The following DLGAP4 variants were observed in gnomAD, a reference collection of about 807,000 sequenced individuals.
DLGAP4 encodes the protein DLG associated protein 4.
Under a neutral mutation model 86.9 loss-of-function variants are expected in DLGAP4, and 18 were observed. The ratio of observed to expected loss-of-function variants is 0.21; its 90% confidence interval spans 0.14 to 0.31. DLGAP4 has a LOEUF of 0.31. Among genes scored for constraint, DLGAP4 ranks in the 10% least tolerant of loss-of-function variants. DLGAP4 has a pLI of 1.00. For synonymous variants in DLGAP4, 548 were observed against 574.3 expected (o/e 0.95, Z 0.65); for missense variants, 1,085 against 1,362.6 (o/e 0.80, Z 3.21).
intron 5 of DLGAP4, 105 bp from the exon 6 acceptor site, chr20:36,442,622 G>A: frequency 7.9e-7 from 1 of 1,264,086 alleles, no homozygotes; most frequent in Non-Finnish European, 1.2e-6. Context: ...GTCTGGGGAG[G>A]AGGTTAGACC....
intron 10 of DLGAP4, among the ~76,000 whole-genome samples, chr20:36,520,823 T>C (rs1480688290): frequency 6.6e-6 from 1 of 150,556 alleles, no homozygotes; most frequent in South Asian, 2.1e-4. Flanking sequence ...TTTGGTCTTA[T>C]GTTTTCATCT....
At chr20:36,340,727 C>T (rs2065370861) in intron 1 of DLGAP4, among the ~76,000 whole-genome samples, 1 of 152,234 alleles carries the variant, frequency 6.6e-6, no homozygotes, top group Non-Finnish European at 1.5e-5. Flanking sequence ...CTAGGCCTCC[C>T]TCTGGCATCC....
intron 1 of DLGAP4, among the ~76,000 whole-genome samples, chr20:36,342,545 C>T (rs1555892594): frequency 1.3e-5 from 2 of 152,190 alleles, no homozygotes; most frequent in Non-Finnish European, 2.9e-5. Flanking sequence ...AGCAGCCACC[C>T]CGCTCAGTGG....
chr20:36,399,337 A>C (rs1423775807), intron 2 of DLGAP4, among the ~76,000 whole-genome samples: 1 of 152,240 alleles, frequency 6.6e-6, no homozygotes, highest in Non-Finnish European at 1.5e-5. Context: ...TGGGCAAGTC[A>C]CTTCCACCCG....
At position 36,496,598 on chromosome 20, in the gene DLGAP4, C is replaced by T. The variant is rs2035896651; in HGVS notation, c.1649-107C>T. On this transcript the variant is annotated intron_variant, in intron 7 of 12. Transcript: ENST00000339266. ...TCCTTGCGGACGGAATGGCTAAGCC[C>T]AGAGCTAGGGCCAAGTCAGGCAGGG... The T allele has an allele frequency of 3.4e-6, 5 of 1,491,032 alleles. No individual in the cohort carries two copies. In the South Asian group the frequency reaches 4.1e-5, roughly 12 times the overall value. The allele number at this position is 1,491,032 out of a possible 1,614,324, so 92.4% of individuals were successfully genotyped here. A position where few individuals can be genotyped will look rare whatever the true frequency, so the allele number is the denominator to read the frequency against.
At chr20:36,361,436 T>C (rs1416342909) in intron 1 of DLGAP4, among the ~76,000 whole-genome samples, 1 of 152,182 alleles carries the variant, frequency 6.6e-6, no homozygotes, top group African/African-American at 2.4e-5. Flanking sequence ...TTGTTTGGTT[T>C]GTTTTTTGTG....
chr20:36,510,175 T>G (rs2036611785), intron 10 of DLGAP4, among the ~76,000 whole-genome samples: 1 of 152,050 alleles, frequency 6.6e-6, no homozygotes, highest in Admixed American at 6.6e-5. Flanking sequence ...GTGATGCAGA[T>G]TCCATACTTA....
chr20:36,473,669 C>G (rs899667874), intron 7 of DLGAP4, among the ~76,000 whole-genome samples: 1 of 152,198 alleles, frequency 6.6e-6, no homozygotes, highest in East Asian at 1.9e-4. Context: ...ACGTTGGTCT[C>G]AAACTCCTGG....
At chr20:36,354,877 A>T (rs2030274567) in intron 1 of DLGAP4, among the ~76,000 whole-genome samples, 1 of 152,106 alleles carries the variant, frequency 6.6e-6, no homozygotes, top group South Asian at 2.1e-4. Context: ...AGGAGTTCAG[A>T]GCTACAGTGA....
At chr20:36,357,583 T>G (rs1555893927) in intron 1 of DLGAP4, among the ~76,000 whole-genome samples, 1 of 152,214 alleles carries the variant, frequency 6.6e-6, no homozygotes, top group Non-Finnish European at 1.5e-5. Flanking sequence ...ATAGAAGGAC[T>G]GGAACTGCTT....
At chr20:36,521,470 C>G (rs57992316) in intron 10 of DLGAP4, among the ~76,000 whole-genome samples, 1 of 152,216 alleles carries the variant, frequency 6.6e-6, no homozygotes, top group Non-Finnish European at 1.5e-5. Flanking sequence ...CTTCTTTAAA[C>G]TAAGCCAGAC....
intron 7 of DLGAP4, among the ~76,000 whole-genome samples, chr20:36,459,107 G>A (rs1024152892): frequency 2.0e-5 from 3 of 152,170 alleles, no homozygotes; most frequent in Non-Finnish European, 4.4e-5. Context: ...ATTAGGGAGG[G>A]GGAGCATGTG....
intron 1 of DLGAP4, among the ~76,000 whole-genome samples, chr20:36,339,905 G>A (rs2065360378): frequency 6.6e-6 from 1 of 152,210 alleles, no homozygotes; most frequent in South Asian, 2.1e-4. Context: ...ATCCCAGAGG[G>A]CCTGAGCTCT....
chr20:36,466,874 A>AT (rs1444601795), intron 7 of DLGAP4, among the ~76,000 whole-genome samples: 1 of 152,052 alleles, frequency 6.6e-6, no homozygotes, highest in African/African-American at 2.4e-5. Flanking sequence ...TCCTCATGGG[A>AT]TAGGAGCAAG....
intron 1 of DLGAP4, among the ~76,000 whole-genome samples, chr20:36,340,055 C>G (rs2065362675): frequency 6.6e-6 from 1 of 152,144 alleles, no homozygotes; most frequent in South Asian, 2.1e-4. Context: ...GATCTTGCCG[C>G]CCACATGAAT....
chr20:36,317,282 T>TTCTA (rs2065115614), intron 1 of DLGAP4, among the ~76,000 whole-genome samples: 914 of 30,394 alleles, frequency 0.03, 39 homozygotes, highest in African/African-American at 0.099. Context: ...TTTCTTATCT[T>TTCTA]TCTTTCTTTC....
At position 36,431,297 on chromosome 20, in the gene DLGAP4, G is replaced by A. The variant is rs1200832767; in HGVS notation, c.-72-349G>A. 2.6e-5 allele frequency among the ~76,000 whole-genome samples: 4 copies of A among 151,924 alleles called. No individual in the cohort carries two copies. The highest frequency in any genetic ancestry group is 5.9e-5 in the Non-Finnish European group (4 of 68,010). ...GGGGTGAGGGACAGAGTCAGAAACG[G>A]AAAGAGAGTGGAGGATGGGCAGCCC... On this transcript the variant is annotated intron_variant, in intron 2 of 12. Coordinates refer to ENST00000339266, the MANE Select transcript of DLGAP4 (RefSeq NM_001365621.2). The surrounding 1 kb of genome is among the most constrained non-coding windows in gnomAD (Gnocchi z 5.1).
At chr20:36,396,530 C>CA (rs1491582643) in intron 2 of DLGAP4, among the ~76,000 whole-genome samples, 1 of 117,752 alleles carries the variant, frequency 8.5e-6, no homozygotes, top group African/African-American at 3.1e-5. Flanking sequence ...CATACACGTG[C>CA]ACACACACGC....
chr20:36,420,408 T>C (rs1467201215), intron 2 of DLGAP4, among the ~76,000 whole-genome samples: 1 of 152,006 alleles, frequency 6.6e-6, no homozygotes, highest in East Asian at 1.9e-4. Context: ...GGGCATTGTG[T>C]GGACACAGGA....
Sources: allele counts gnomAD v4.1 joint callset (sites outside exome capture counted in the v4.1 genomes callset), GRCh38; gene constraint gnomAD v4.1.1; non-coding constraint Gnocchi (gnomAD v3.1); transcripts MANE v1.5; gene names NCBI Gene and HGNC (gene_info 2026-07-23, HGNC 2026-07-21).